ERC2: variants seen among roughly 807,000 people sequenced by gnomAD.
The protein encoded by ERC2 is ERC protein 2.
Under a neutral mutation model 114.8 loss-of-function variants are expected in ERC2, and 42 were observed. The observed-to-expected ratio is 0.37, with a 90% CI of 0.29 to 0.47. ERC2 has a LOEUF of 0.47. ERC2 is among the 20% of genes least tolerant of loss of function. The probability of loss-of-function intolerance (pLI) is 0.99; values close to 1 mark genes in which losing one functional copy is unlikely to be tolerated. For synonymous variants in ERC2, 454 were observed against 425.5 expected (o/e 1.07, Z -0.82); for missense variants, 939 against 1,150.7 (o/e 0.82, Z 2.66).
chr3:56,281,895 C>T (rs2054373430), intron 3 of ERC2, among the ~76,000 whole-genome samples: 1 of 152,150 alleles, frequency 6.6e-6, no homozygotes, highest in Non-Finnish European at 1.5e-5. Flanking sequence ...TAAAATGCCA[C>T]CAGGCAAGGT....
At chr3:56,296,975 T>A (rs1368753687) in intron 2 of ERC2, among the ~76,000 whole-genome samples, 35 of 152,132 alleles carry the variant, frequency 2.3e-4, no homozygotes, top group Non-Finnish European at 8.8e-5. Flanking sequence ...GATTACTGCA[T>A]CTGCAAGCAA....
At chr3:56,418,283 G>A (rs183822551) in intron 2 of ERC2, among the ~76,000 whole-genome samples, 10 of 141,920 alleles carry the variant, frequency 7.0e-5, no homozygotes, top group Non-Finnish European at 1.2e-4. Flanking sequence ...GTGATGGAGC[G>A]AGATCCTGTC....
chr3:56,060,362 T>A (rs183630682), intron 7 of ERC2, among the ~76,000 whole-genome samples: 206 of 152,358 alleles, frequency 1.4e-3, no homozygotes, highest in African/African-American at 4.7e-3. Context: ...CCTTTTCCCA[T>A]CTGTAAAATG....
intron 14 of ERC2, among the ~76,000 whole-genome samples, chr3:55,848,778 C>T (rs955304684): frequency 6.6e-6 from 1 of 152,170 alleles, no homozygotes; most frequent in African/African-American, 2.4e-5. Flanking sequence ...ACTGAATCTC[C>T]TCTAATAGCC....
chr3:55,513,869 A>G (rs1575432302), intron 17 of ERC2, among the ~76,000 whole-genome samples: 1 of 151,966 alleles, frequency 6.6e-6, no homozygotes, highest in East Asian at 2.0e-4. Flanking sequence ...TCTTGGGCTC[A>G]AGTGATCCAC....
chr3:56,400,284 T>C (rs949663890), intron 2 of ERC2, among the ~76,000 whole-genome samples: 2 of 151,964 alleles, frequency 1.3e-5, no homozygotes, highest in East Asian at 3.9e-4. Flanking sequence ...TGACCACAGG[T>C]TGATGGATTA....
intron 15 of ERC2, among the ~76,000 whole-genome samples, chr3:55,724,236 T>C (rs572612181): frequency 1.5e-4 from 23 of 152,056 alleles, no homozygotes; most frequent in Non-Finnish European, 3.2e-4. Flanking sequence ...CAGGAAGAGA[T>C]AAGTCGCCCT....
intron 13 of ERC2, among the ~76,000 whole-genome samples, chr3:55,926,051 G>A (rs1046248625): frequency 6.6e-6 from 1 of 152,138 alleles, no homozygotes; most frequent in Non-Finnish European, 1.5e-5. Flanking sequence ...ATTTGAGTGG[G>A]TGGGCACCCA....
At chr3:56,279,247 A>C (rs2054196773) in intron 3 of ERC2, among the ~76,000 whole-genome samples, 1 of 152,256 alleles carries the variant, frequency 6.6e-6, no homozygotes, top group Non-Finnish European at 1.5e-5. Context: ...ACTAGGGTTC[A>C]TGGAAGCATC....
intron 7 of ERC2, among the ~76,000 whole-genome samples, chr3:56,068,460 TTTTA>T (rs1457255759): frequency 6.6e-6 from 1 of 152,040 alleles, no homozygotes; most frequent in Non-Finnish European, 1.5e-5. Context: ...TAGTGGTCCA[TTTTA>T]TTTATTTATT....
chr3:56,098,626 A>G (rs76914523), intron 6 of ERC2, among the ~76,000 whole-genome samples: 1 of 152,306 alleles, frequency 6.6e-6, no homozygotes, highest in African/African-American at 2.4e-5. Context: ...TGCTCTGTTT[A>G]TCATCTTAGG....
intron 13 of ERC2, among the ~76,000 whole-genome samples, chr3:55,928,641 A>G (rs1176409216): frequency 3.9e-5 from 6 of 152,080 alleles, no homozygotes; most frequent in Non-Finnish European, 7.4e-5. Flanking sequence ...ATTTTTATTT[A>G]GATGCCTGTG....
At chr3:55,700,399 C>T (rs1233412046) in intron 15 of ERC2, among the ~76,000 whole-genome samples, 1 of 152,210 alleles carries the variant, frequency 6.6e-6, no homozygotes, top group African/African-American at 2.4e-5. Flanking sequence ...CACCTCTTTG[C>T]TGGTTATGTG....
At chr3:56,025,655 T>C (rs1303534106) in intron 7 of ERC2, among the ~76,000 whole-genome samples, 1 of 152,198 alleles carries the variant, frequency 6.6e-6, no homozygotes, top group East Asian at 1.9e-4. Context: ...CCAGATTTAC[T>C]GCGCTCATGT....
chr3:55,948,773 A>G (rs1202715045), intron 13 of ERC2, among the ~76,000 whole-genome samples: 1 of 152,234 alleles, frequency 6.6e-6, no homozygotes, highest in Non-Finnish European at 1.5e-5. Flanking sequence ...ATTACTATAT[A>G]TAGAAAAGAC....
At chr3:55,737,450 C>T (rs2065705678) in intron 14 of ERC2, among the ~76,000 whole-genome samples, 1 of 152,194 alleles carries the variant, frequency 6.6e-6, no homozygotes, top group Non-Finnish European at 1.5e-5. Flanking sequence ...AGAGGCTATA[C>T]AGACTTTAAA....
At chr3:56,025,915 T>C (rs562288289) in intron 7 of ERC2, among the ~76,000 whole-genome samples, 61 of 152,276 alleles carry the variant, frequency 4.0e-4, no homozygotes, top group Middle Eastern at 6.8e-3. Flanking sequence ...TGGAATTCAT[T>C]CAAAATGGAG....
At chr3:56,273,258 CTTTCTT>C (rs2053775100) in intron 3 of ERC2, among the ~76,000 whole-genome samples, 6 of 94,730 alleles carry the variant, frequency 6.3e-5, no homozygotes, top group Non-Finnish European at 4.8e-5. Flanking sequence ...CTTTTTTTTT[CTTTCTT>C]TTTTTTTTTT....
intron 2 of ERC2, among the ~76,000 whole-genome samples, chr3:56,419,437 A>G (rs1292592770): frequency 6.6e-6 from 1 of 152,216 alleles, no homozygotes; most frequent in African/African-American, 2.4e-5. Context: ...AACTCTTTCA[A>G]GGTAACTTAT....
Sources: allele counts gnomAD v4.1 joint callset (sites outside exome capture counted in the v4.1 genomes callset), GRCh38; gene constraint gnomAD v4.1.1; transcripts MANE v1.5; gene names NCBI Gene and HGNC (gene_info 2026-07-23, HGNC 2026-07-21).